The following TNFRSF10B variants were observed in gnomAD, a reference collection of about 807,000 sequenced individuals.
TNFRSF10B encodes tumor necrosis factor receptor superfamily member 10B.
Under a neutral mutation model 41.4 loss-of-function variants are expected in TNFRSF10B, and 35 were observed. The observed-to-expected ratio is 0.85, with a 90% CI of 0.65 to 1.12. The LOEUF is 1.12. TNFRSF10B is among the 50% of genes most tolerant of loss of function. TNFRSF10B has a pLI of 0.00. For synonymous variants in TNFRSF10B, 230 were observed against 215.5 expected (o/e 1.07, Z -0.59); for missense variants, 584 against 552.7 (o/e 1.06, Z -0.57).
chr8:23,038,692 A>G (rs1812091097), intron 2 of TNFRSF10B, among the ~76,000 whole-genome samples: 2 of 152,224 alleles, frequency 1.3e-5, no homozygotes. Flanking sequence ...TTTCAGTTGT[A>G]TACAGGATAG....
At position 23,029,680 on chromosome 8, in the gene TNFRSF10B, CTG is replaced by C. The variant is rs754999565; in HGVS notation, c.404_405del (p.Thr135SerfsTer16). The C allele has an allele frequency of 6.8e-6, 11 of 1,614,048 alleles. No homozygotes were observed. In the South Asian group the frequency reaches 9.9e-5, roughly 15 times the overall value. ...AAGGTGCCTTCTTCGCACTGACACA[CTG>C]TGTTTCTGGTCGTGGTGCAGGGACT... is the stretch of plus-strand genomic sequence containing the variant. Reference protein sequence around the residue: ...ELSPCTTTRNTVCQCEEGTFR... With the variant: ...ELSPCTTTRNXVCQCEEGTFR... On this transcript the variant is annotated frameshift_variant, in exon 4 of 9. Transcript: ENST00000276431. LOFTEE classifies it high-confidence loss of function.
intron 1 of TNFRSF10B, among the ~76,000 whole-genome samples, chr8:23,057,429 A>ATTTTT (rs201997985): frequency 8.6e-6 from 1 of 115,620 alleles, no homozygotes; most frequent in Non-Finnish European, 1.8e-5. Context: ...GAATTCTGTA[A>ATTTTT]TTTTTTTTTT....
At chr8:23,056,468 T>C (rs151137977) in intron 1 of TNFRSF10B, among the ~76,000 whole-genome samples, 1 of 152,044 alleles carries the variant, frequency 6.6e-6, no homozygotes, top group Non-Finnish European at 1.5e-5. Context: ...CTGACCAACA[T>C]GGTGAAACCC....
chr8:23,029,866 G>A, intron 3 of TNFRSF10B, 145 bp from the exon 4 acceptor site: 2 of 746,606 alleles, frequency 2.7e-6, no homozygotes, highest in Middle Eastern at 3.5e-4. Context: ...CACACTCATG[G>A]CTCATTCAGG....
At chr8:23,052,285 C>CTTTTTTTTT (rs35496059) in intron 1 of TNFRSF10B, among the ~76,000 whole-genome samples, 1 of 129,552 alleles carries the variant, frequency 7.7e-6, no homozygotes, top group Non-Finnish European at 1.6e-5. Flanking sequence ...TAAAGGGTAA[C>CTTTTTTTTT]TTTTTTTTTT....
chr8:23,021,581 C>T lies in TNFRSF10B; in HGVS notation c.*1090G>A. On this transcript the variant is annotated 3_prime_UTR_variant, in exon 9 of 9. Coordinates refer to ENST00000276431, the MANE Select transcript of TNFRSF10B (RefSeq NM_003842.5). ...TGATCTAACCCATCTGCCTCTGTCCCAGCCTGTCCATAGATGGGGGCTATG... is the reference window on the plus strand; with the variant it reads ...TGATCTAACCCATCTGCCTCTGTCCTAGCCTGTCCATAGATGGGGGCTATG... 2.2e-6 allele frequency: 1 copy of T among 454,144 alleles called. No homozygotes were observed. 28.1% of individuals were successfully genotyped at this position (454,144 alleles called of 1,614,324 possible). A position where few individuals can be genotyped will look rare whatever the true frequency, so the allele number is the denominator to read the frequency against.
chr8:23,029,539 CAG>C (rs1481112786), intron 4 of TNFRSF10B, 69 bp downstream of exon 4: 4 of 1,455,366 alleles, frequency 2.7e-6, no homozygotes, highest in African/African-American at 2.8e-5. Context: ...AGGGGAGAGA[CAG>C]GGGTACAAGG....
At position 23,030,720 on chromosome 8, in the gene TNFRSF10B, G is replaced by A. The variant is rs201741071; in HGVS notation, c.364+39C>T. The A allele has an allele frequency of 1.6e-3, 2,456 of 1,497,326 alleles. 3 individuals are homozygous for A. The highest frequency in any genetic ancestry group is 2.1e-3 in the Non-Finnish European group (2,265 of 1,083,148). 92.8% of individuals were successfully genotyped at this position (1,497,326 alleles called of 1,614,324 possible). A position where few individuals can be genotyped will look rare whatever the true frequency, so the allele number is the denominator to read the frequency against. On this transcript the variant is annotated intron_variant, in intron 3 of 8. Transcript: ENST00000276431. ...GCTACAACTTTTATGTCATCACCCC[G>A]CATTCCACCTTTAGGCATGGGGTCC...
chr8:23,034,598 A>G (rs1399249058), intron 2 of TNFRSF10B, among the ~76,000 whole-genome samples: 2 of 152,334 alleles, frequency 1.3e-5, no homozygotes, highest in Non-Finnish European at 1.5e-5. Context: ...ATGACAGTAC[A>G]TGCCTGTAGT....
intron 1 of TNFRSF10B, 105 bp downstream of exon 1, chr8:23,068,646 G>A (rs541988505): frequency 2.0e-4 from 295 of 1,472,138 alleles, no homozygotes; most frequent in Middle Eastern, 1.7e-3. Context: ...ATGCCCGGCC[G>A]CAGGCGACCC....
rs779636261 is a variant in TNFRSF10B, at chr8:23,043,196, C to A, written c.192G>T (p.Gln64His). The A allele has an allele frequency of 7.4e-6, 12 of 1,614,110 alleles. No homozygotes were observed. The highest frequency in any genetic ancestry group is 1.0e-5 in the Non-Finnish European group (12 of 1,180,010). Reference sequence around the variant, plus strand: ...TCTTTTGTTGTGGGGCCGCTCTCTGCTGGGGAGCTAGGTCTTGTTGGGTGA... The same window carrying A: ...TCTTTTGTTGTGGGGCCGCTCTCTGATGGGGAGCTAGGTCTTGTTGGGTGA... Reference protein sequence around the residue: ...ALITQQDLAPQQRAAPQQKRS... With the variant: ...ALITQQDLAPHQRAAPQQKRS... The change falls in exon 2 of 9, where the codon CAG (glutamine) becomes CAT (histidine). Residue 64 changes from glutamine to histidine, a missense_variant. Physicochemically the swap from Gln to His is conservative, Grantham distance 24. Transcript: ENST00000276431.
chr8:23,037,379 G>A (rs1010987118), intron 2 of TNFRSF10B, among the ~76,000 whole-genome samples: 5 of 152,206 alleles, frequency 3.3e-5, no homozygotes, highest in African/African-American at 1.2e-4. Flanking sequence ...CAGAGGGTCA[G>A]TCTGCCAGCT....
chr8:23,030,959 G>C (rs1811866086), intron 2 of TNFRSF10B, 87 bp from the exon 3 acceptor site: 6 of 927,734 alleles, frequency 6.5e-6, no homozygotes, highest in Middle Eastern at 3.1e-4. Flanking sequence ...CTCTTTCAGG[G>C]ATGTGTGGAA....
intron 1 of TNFRSF10B, among the ~76,000 whole-genome samples, chr8:23,047,605 A>C (rs185914156): frequency 2.6e-5 from 4 of 152,194 alleles, no homozygotes; most frequent in Admixed American, 2.6e-4. Context: ...AAAAAAAAAA[A>C]CTCAACATCA....
At chr8:23,049,893 T>C (rs1274208496) in intron 1 of TNFRSF10B, 1 of 152,140 alleles carries the variant, frequency 6.6e-6, no homozygotes, top group Non-Finnish European at 1.5e-5. Context: ...AACAAAAAAG[T>C]CGCCAGCCAG....
At chr8:23,057,058 C>T (rs1176706274) in intron 1 of TNFRSF10B, among the ~76,000 whole-genome samples, 3 of 138,196 alleles carry the variant, frequency 2.2e-5, no homozygotes. Flanking sequence ...TTTTTTGAGA[C>T]GGAGTCTCAC....
Position 23,037,570 on chromosome 8 carries a change from A to T in TNFRSF10B, c.250+5568T>A, listed in dbSNP as rs560736723. 9.8e-5 allele frequency among the ~76,000 whole-genome samples: 15 copies of T among 152,292 alleles called. No homozygotes were observed. The South Asian group carries it at 3.1e-3, about 32-fold the overall frequency. ...TCCACAGTCATGGTATTCACACAGC[A>T]TTGCTTCTGATTGAGGGACTCACTT... is the stretch of plus-strand genomic sequence containing the variant. On this transcript the variant is annotated intron_variant, in intron 2 of 8. Coordinates refer to ENST00000276431, the MANE Select transcript of TNFRSF10B (RefSeq NM_003842.5).
At chr8:23,068,358 A>G in intron 1 of TNFRSF10B, 1 of 275,436 alleles carries the variant, frequency 3.6e-6, no homozygotes, top group Non-Finnish European at 7.0e-6. Flanking sequence ...TAAGGCAGGA[A>G]CTGAGCGAGG....
At chr8:23,035,096 C>T (rs369816415) in intron 2 of TNFRSF10B, among the ~76,000 whole-genome samples, 7 of 152,096 alleles carry the variant, frequency 4.6e-5, no homozygotes, top group Non-Finnish European at 8.8e-5. Flanking sequence ...ATCCTGTCTC[C>T]GGGATGCATC....
Sources: allele counts gnomAD v4.1 joint callset (sites outside exome capture counted in the v4.1 genomes callset), GRCh38; gene constraint gnomAD v4.1.1; transcripts MANE v1.5; gene names NCBI Gene and HGNC (gene_info 2026-07-23, HGNC 2026-07-21).